Variants in MAST4 observed in about 807,000 individuals in gnomAD.
The protein encoded by MAST4 is microtubule-associated serine/threonine-protein kinase 4.
MAST4 carries 89 observed loss-of-function variants against 162.7 expected under a neutral mutation model. The observed-to-expected ratio is 0.55, with a 90% CI of 0.46 to 0.65. MAST4 has a LOEUF of 0.65. Among genes scored for constraint, MAST4 ranks in the 30% least tolerant of loss-of-function variants. The pLI is 0.00. For missense variants in MAST4, 3,153 were observed against 3,374.0 expected (o/e 0.93, Z 1.62); for synonymous variants, 1,479 against 1,361.1 (o/e 1.09, Z -1.91).
chr5:66,734,791 G>A (rs535253807), intron 1 of MAST4, among the ~76,000 whole-genome samples: 2 of 152,328 alleles, frequency 1.3e-5, no homozygotes, highest in East Asian at 3.9e-4. Context: ...GTATTGGACG[G>A]CACAGTGTTG....
At chr5:66,654,190 C>G (rs866503771) in intron 1 of MAST4, among the ~76,000 whole-genome samples, 43 of 152,156 alleles carry the variant, frequency 2.8e-4, no homozygotes, top group African/African-American at 9.4e-4. Flanking sequence ...GGGGAGACTC[C>G]TCTGAGGAGT....
At chr5:67,053,602 A>T (rs1449333703) in intron 4 of MAST4, among the ~76,000 whole-genome samples, 2 of 152,352 alleles carry the variant, frequency 1.3e-5, no homozygotes, top group Non-Finnish European at 2.9e-5. Context: ...GATAATATCC[A>T]CTTCACCCAT....
chr5:67,081,532 A>C (rs1762655022), intron 5 of MAST4, among the ~76,000 whole-genome samples: 2 of 152,108 alleles, frequency 1.3e-5, no homozygotes, highest in African/African-American at 4.8e-5. Context: ...CAGAGCTCTC[A>C]GGGACAAGTG....
chr5:67,050,689 T>A (rs781729077), intron 4 of MAST4, among the ~76,000 whole-genome samples: 14 of 152,244 alleles, frequency 9.2e-5, no homozygotes, highest in Non-Finnish European at 1.9e-4. Context: ...CAAGTTGTTA[T>A]ATGACTGTCT....
chr5:66,925,271 G>C (rs1282200644), intron 4 of MAST4, among the ~76,000 whole-genome samples: 1 of 152,144 alleles, frequency 6.6e-6, no homozygotes, highest in Non-Finnish European at 1.5e-5. Context: ...ACAGTTTTTA[G>C]TGGTCATGTG....
intron 3 of MAST4, among the ~76,000 whole-genome samples, chr5:66,820,442 C>G (rs1489871532): frequency 6.6e-6 from 1 of 152,160 alleles, no homozygotes; most frequent in African/African-American, 2.4e-5. Flanking sequence ...TCTTCTTAAT[C>G]TATGTATTAA....
intron 4 of MAST4, among the ~76,000 whole-genome samples, chr5:66,952,162 T>C (rs1444718525): frequency 6.6e-6 from 1 of 152,144 alleles, no homozygotes; most frequent in Non-Finnish European, 1.5e-5. Context: ...GGGACCCATG[T>C]TGTCTGGGGA....
chr5:66,668,835 A>T (rs1747432710), intron 1 of MAST4, among the ~76,000 whole-genome samples: 1 of 152,220 alleles, frequency 6.6e-6, no homozygotes, highest in Non-Finnish European at 1.5e-5. Context: ...GGTGGGAGGA[A>T]ACCTGGCTTT....
At chr5:66,998,757 G>A (rs1042558315) in intron 4 of MAST4, among the ~76,000 whole-genome samples, 2 of 152,110 alleles carry the variant, frequency 1.3e-5, no homozygotes, top group African/African-American at 4.8e-5. Context: ...AAGATGAGGG[G>A]ATAAAGCCCC....
Position 67,165,989 on chromosome 5 carries a change from G to C in MAST4, c.6810G>C (p.Gly2270=). 6.2e-7 allele frequency: 1 copy of C among 1,613,518 alleles called. No homozygotes were observed. Among genetic ancestry groups the C allele is most frequent in the Non-Finnish European group, 8.5e-7 (1 of 1,179,850 alleles). Reference sequence around the variant, plus strand: ...ATGGGATTGGCCAGGGAGAAGGTGGGCCCTCTGTCCCACTGCACACTGACA... The same window carrying C: ...ATGGGATTGGCCAGGGAGAAGGTGGCCCCTCTGTCCCACTGCACACTGACA... ...ASDGIGQGEG[G]PSVPLHTDRA... The change falls in exon 29 of 29, where the codon GGG becomes GGC. Residue 2270 remains glycine, a synonymous_variant. Transcript: ENST00000403625.
At chr5:66,968,839 G>A (rs1205846697) in intron 4 of MAST4, among the ~76,000 whole-genome samples, 6 of 152,194 alleles carry the variant, frequency 3.9e-5, no homozygotes, top group Non-Finnish European at 8.8e-5. Context: ...GTTAATTAAA[G>A]TTAGACCCCA....
At chr5:66,810,318 A>G (rs1011238886) in intron 3 of MAST4, among the ~76,000 whole-genome samples, 1 of 152,100 alleles carries the variant, frequency 6.6e-6, no homozygotes, top group Admixed American at 6.6e-5. Context: ...CCTACGGGCC[A>G]TTTTTGCAGG....
chr5:66,690,515 T>C (rs1428566716), intron 1 of MAST4, among the ~76,000 whole-genome samples: 1 of 152,222 alleles, frequency 6.6e-6, no homozygotes, highest in East Asian at 1.9e-4. Flanking sequence ...TAGCAGTTTT[T>C]GGAAGATTTT....
At chr5:67,112,066 A>G (rs953326707) in intron 11 of MAST4, among the ~76,000 whole-genome samples, 2 of 149,638 alleles carry the variant, frequency 1.3e-5, no homozygotes, top group Non-Finnish European at 1.5e-5. Flanking sequence ...TTTTCTTTCT[A>G]TATGGCCTTT....
rs777725942 is a variant in MAST4 at position 67,165,443 on chromosome 5, C to T, written c.6264C>T (p.Ala2088=). The change falls in exon 29 of 29, where the codon GCC becomes GCT. Residue 2088 remains alanine (A), a synonymous_variant. Coordinates refer to ENST00000403625, the MANE Select transcript of MAST4 (RefSeq NM_001164664.2). ...GVEPKPEALL[A]RRSLQPPGIE... ...AACCCAAGCCCGAAGCGCTTCTTGC[C>T]AGGCGGTCTCTGCAGCCACCTGGAA... 3.1e-6 allele frequency: 5 copies of T among 1,613,798 alleles called. No homozygotes were observed. The highest frequency in any genetic ancestry group is 1.3e-5 in the African/African-American group (1 of 74,924).
chr5:67,070,388 C>G (rs1760810492), intron 5 of MAST4, among the ~76,000 whole-genome samples: 1 of 152,174 alleles, frequency 6.6e-6, no homozygotes, highest in South Asian at 2.1e-4. Context: ...TTCATTTCTT[C>G]TAGTGATGTG....
At chr5:66,949,620 A>C (rs1323107507) in intron 4 of MAST4, among the ~76,000 whole-genome samples, 1 of 152,198 alleles carries the variant, frequency 6.6e-6, no homozygotes, top group Non-Finnish European at 1.5e-5. Flanking sequence ...AGAACAGACT[A>C]ATACAGGCAA....
chr5:66,922,581 G>C (rs1293390550), intron 4 of MAST4, among the ~76,000 whole-genome samples: 1 of 152,080 alleles, frequency 6.6e-6, no homozygotes, highest in African/African-American at 2.4e-5. Context: ...AAATTGTAAT[G>C]AATGAAATAA....
intron 4 of MAST4, among the ~76,000 whole-genome samples, chr5:66,979,590 A>T (rs772959541): frequency 9.2e-5 from 14 of 152,140 alleles, no homozygotes; most frequent in Non-Finnish European, 1.8e-4. Flanking sequence ...GCAGGGACAC[A>T]TTTGTTTTTT....
Sources: allele counts gnomAD v4.1 joint callset (sites outside exome capture counted in the v4.1 genomes callset), GRCh38; gene constraint gnomAD v4.1.1; transcripts MANE v1.5; gene names NCBI Gene and HGNC (gene_info 2026-07-23, HGNC 2026-07-21).